NRG1: variants seen among roughly 807,000 people sequenced by gnomAD.
NRG1 encodes the protein neuregulin 1, also known as pro-neuregulin-1, membrane-bound isoform.
Under a neutral mutation model 63.8 loss-of-function variants are expected in NRG1, and 18 were observed. That is an observed-to-expected ratio of 0.28 (90% confidence interval 0.19 to 0.42). The LOEUF (loss-of-function observed/expected upper bound fraction) is 0.42. Ranked by LOEUF, NRG1 falls within the 10% of genes least tolerant of loss-of-function variation. NRG1 has a pLI of 1.00. For synonymous variants in NRG1, 302 were observed against 301.3 expected (o/e 1.00, Z -0.02); for missense variants, 762 against 814.7 (o/e 0.94, Z 0.79).
intron 1 of NRG1, among the ~76,000 whole-genome samples, chr8:32,403,104 G>A (rs1813434351): frequency 1.3e-5 from 2 of 151,846 alleles, no homozygotes; most frequent in African/African-American, 2.4e-5. Flanking sequence ...TTCAAGACCA[G>A]CCTGGGCAAG....
intron 1 of NRG1, among the ~76,000 whole-genome samples, chr8:32,447,349 C>G (rs1380183479): frequency 6.6e-6 from 1 of 152,010 alleles, no homozygotes; most frequent in Non-Finnish European, 1.5e-5. Context: ...AAGATTGTCT[C>G]ATCCTTCTCT....
At chr8:32,700,726 A>G (rs1814636131) in intron 5 of NRG1, among the ~76,000 whole-genome samples, 1 of 152,230 alleles carries the variant, frequency 6.6e-6, no homozygotes, top group Non-Finnish European at 1.5e-5. Flanking sequence ...GGGAATATGT[A>G]GTGTATTATG....
chr8:32,155,069 G>T (rs145006810), intron 1 of NRG1, among the ~76,000 whole-genome samples: 231 of 152,110 alleles, frequency 1.5e-3, no homozygotes, highest in African/African-American at 5.2e-3. Context: ...AATACTTTTT[G>T]CTATCCGCTG....
At chr8:31,721,962 A>G (rs1812962454) in intron 1 of NRG1, among the ~76,000 whole-genome samples, 1 of 151,968 alleles carries the variant, frequency 6.6e-6, no homozygotes. Context: ...AGACTACCAA[A>G]TTTTCCATCT....
At chr8:31,763,974 C>T (rs1817806475) in intron 1 of NRG1, among the ~76,000 whole-genome samples, 1 of 145,612 alleles carries the variant, frequency 6.9e-6, no homozygotes, top group Non-Finnish European at 1.5e-5. Flanking sequence ...CCACCACACT[C>T]CAGCCTGGGT....
chr8:31,991,838 T>A (rs536947795), intron 1 of NRG1, among the ~76,000 whole-genome samples: 29 of 152,124 alleles, frequency 1.9e-4, no homozygotes, highest in Non-Finnish European at 3.5e-4. Flanking sequence ...TTACCTGCAA[T>A]ACACTATTGA....
chr8:32,025,288 A>C (rs1028966710), intron 1 of NRG1, among the ~76,000 whole-genome samples: 2 of 152,198 alleles, frequency 1.3e-5, no homozygotes, highest in African/African-American at 4.8e-5. Context: ...CAAACTAGTA[A>C]GAAAAAAAAA....
chr8:32,280,755 CATTT>C (rs1330164149), intron 1 of NRG1, among the ~76,000 whole-genome samples: 10 of 18,404 alleles, frequency 5.4e-4, no homozygotes, highest in African/African-American at 1.7e-3. Flanking sequence ...TTTGTCCTTT[CATTT>C]TTTTTTTTTT....
intron 1 of NRG1, among the ~76,000 whole-genome samples, chr8:31,861,268 G>A (rs1219448303): frequency 6.6e-6 from 1 of 152,118 alleles, no homozygotes; most frequent in Non-Finnish European, 1.5e-5. Flanking sequence ...TGCCCATTTT[G>A]AGGGAAGGCT....
At chr8:32,718,503 A>G (rs1239751483) in intron 5 of NRG1, among the ~76,000 whole-genome samples, 1 of 152,142 alleles carries the variant, frequency 6.6e-6, no homozygotes, top group Non-Finnish European at 1.5e-5. Context: ...TAGTTTCATT[A>G]ATTATGGCCC....
At chr8:31,915,417 T>C (rs907660811) in intron 1 of NRG1, among the ~76,000 whole-genome samples, 3 of 152,114 alleles carry the variant, frequency 2.0e-5, no homozygotes, top group Non-Finnish European at 4.4e-5. Flanking sequence ...GGGAATCTGT[T>C]GTAAGTTATA....
At position 32,087,341 on chromosome 8, in the gene NRG1, C is replaced by T. The variant is rs148838499; in HGVS notation, c.37+447910C>T. Among the ~76,000 whole-genome samples the T allele has an allele frequency of 3.0e-3, 452 of 152,160 alleles. 4 individuals carry two copies. Among genetic ancestry groups the T allele is most frequent in the African/African-American group, 0.01 (430 of 41,514 alleles). On this transcript the variant is annotated intron_variant, in intron 1 of 10. Transcript: ENST00000519301. ...CCCCAACCGATCTCTTCCCCTTTTGCCTTCCACCATGATTATGAGCTTCCT... is the reference window on the plus strand; with the variant it reads ...CCCCAACCGATCTCTTCCCCTTTTGTCTTCCACCATGATTATGAGCTTCCT...
At chr8:32,064,823 A>G (rs952548595) in intron 1 of NRG1, among the ~76,000 whole-genome samples, 1 of 152,108 alleles carries the variant, frequency 6.6e-6, no homozygotes, top group African/African-American at 2.4e-5. Context: ...TTAGTATAAA[A>G]CTTTATGTAC....
In NRG1 at chr8:32,759,456, C is replaced by A; in HGVS notation, c.1052+20C>A. 6.2e-7 allele frequency: 1 copy of A among 1,608,072 alleles called. No individual in the cohort carries two copies. Among genetic ancestry groups the A allele is most frequent in the Non-Finnish European group, 8.5e-7 (1 of 1,177,184 alleles). On this transcript the variant is annotated intron_variant, in intron 10 of 11. Transcript: ENST00000356819. ...CCACAGGTATGAGAATTTAAAAATT[C>A]CACGGCTTTTCTCTCAGAATGAATT...
intron 1 of NRG1, among the ~76,000 whole-genome samples, chr8:32,277,982 C>A (rs866885237): frequency 1.1e-4 from 16 of 152,336 alleles, no homozygotes; most frequent in Middle Eastern, 3.4e-3. Flanking sequence ...AGCTTTGGCT[C>A]CTGGATTCTC....
At position 31,763,129 on chromosome 8, in the gene NRG1, G is replaced by A. The variant is rs192146288; in HGVS notation, c.37+123698G>A. 3.2e-4 allele frequency among the ~76,000 whole-genome samples: 48 copies of A among 152,234 alleles called. 1 individual carries two copies. Among genetic ancestry groups the A allele is most frequent in the African/African-American group, 1.0e-3 (42 of 41,548 alleles). On this transcript the variant is annotated intron_variant, in intron 1 of 10. Transcript: ENST00000519301. ...TGAAAAAAAGGTAACTCCTGTTCAT[G>A]ATTAAATCTCTCAGCAAACTTGGAA...
At chr8:31,999,316 T>C (rs540081167) in intron 1 of NRG1, among the ~76,000 whole-genome samples, 1 of 152,152 alleles carries the variant, frequency 6.6e-6, no homozygotes, top group East Asian at 1.9e-4. Flanking sequence ...TCCTTCTCAT[T>C]GTGTGCCCAC....
intron 1 of NRG1, among the ~76,000 whole-genome samples, chr8:31,655,633 G>A (rs1805361825): frequency 6.6e-6 from 1 of 152,160 alleles, no homozygotes; most frequent in African/African-American, 2.4e-5. Context: ...CCAATGAAGG[G>A]TTTTTAAGAA....
chr8:32,718,932 C>A (rs1048228312), intron 5 of NRG1, among the ~76,000 whole-genome samples: 1 of 152,116 alleles, frequency 6.6e-6, no homozygotes, highest in Non-Finnish European at 1.5e-5. Flanking sequence ...TGGTATCCAA[C>A]CATATCATCT....
Sources: gnomAD v4.1 joint callset for allele counts (sites outside exome capture counted in the v4.1 genomes callset) on GRCh38, gnomAD v4.1.1 for gene constraint, MANE v1.5 for transcripts, NCBI Gene and HGNC (gene_info 2026-07-23, HGNC 2026-07-21) for gene names.